Variants in CNTN6 observed in about 807,000 individuals in gnomAD.
CNTN6 encodes contactin 6.
Under a neutral mutation model 122.8 loss-of-function variants are expected in CNTN6, and 137 were observed. That is an observed-to-expected ratio of 1.12 (90% CI 0.97 to 1.29). The LOEUF (loss-of-function observed/expected upper bound fraction) is 1.29. Ranked by LOEUF, CNTN6 falls within the 50% of genes most tolerant of loss-of-function variation. The pLI, the probability that CNTN6 is intolerant of heterozygous loss-of-function variation, is 0.00. For missense variants in CNTN6, 1,634 were observed against 1,223.4 expected (o/e 1.34, Z -5.01); for synonymous variants, 570 against 426.0 (o/e 1.34, Z -4.16).
intron 12 of CNTN6, among the ~76,000 whole-genome samples, chr3:1,367,341 C>G (rs1250904594): frequency 1.3e-5 from 2 of 151,928 alleles, no homozygotes; most frequent in Non-Finnish European, 2.9e-5. Context: ...AACCACCATG[C>G]TACTCTTTAC....
In CNTN6 at chr3:1,256,900, G is replaced by T. The variant is rs556444408; in HGVS notation, c.359-21513G>T. 2.0e-5 allele frequency among the ~76,000 whole-genome samples: 3 copies of T among 152,132 alleles called. No homozygotes were observed. In the South Asian group the frequency reaches 6.2e-4, roughly 32 times the overall value. The stretch of plus-strand genomic sequence containing the variant: ...ATTATATCCGAACAGTAGATACTGG[G>T]AAGTTGAATTGCTGGGAAAAGTAGG... On this transcript the variant is annotated intron_variant, in intron 4 of 22. Transcript: ENST00000446702.
At position 1,369,846 on chromosome 3, in the gene CNTN6, CT is replaced by C. The variant is rs570471554; in HGVS notation, c.1493-2441del. Among the ~76,000 whole-genome samples the C allele has an allele frequency of 5.6e-3, 785 of 140,792 alleles. 12 individuals carry two copies. Among genetic ancestry groups the C allele is most frequent in the Admixed American group, 0.024 (342 of 14,074 alleles). 92.4% of individuals were successfully genotyped at this position (140,792 alleles called of 152,430 possible). A position where few individuals can be genotyped will look rare whatever the true frequency, so the allele number is the denominator to read the frequency against. ...AAAATTTTCTTGGATCCCTGGATAT[CT>C]TTTTTTTTTTTAAGGTTCAATCACA... On this transcript the variant is annotated intron_variant, in intron 12 of 22. Coordinates refer to ENST00000446702, the MANE Select transcript of CNTN6 (RefSeq NM_001289080.2).
chr3:1,330,356 A>G lies in CNTN6; in HGVS notation c.1364+421A>G, dbSNP rs546458185. Reference sequence around the variant, plus strand: ...GTTCACCCCATGACAAAATGAATTCACCACATGAAGAAATGTAGAGAGGTT... The same window carrying G: ...GTTCACCCCATGACAAAATGAATTCGCCACATGAAGAAATGTAGAGAGGTT... On this transcript the variant is annotated intron_variant, in intron 11 of 22. Coordinates refer to ENST00000446702, the MANE Select transcript of CNTN6 (RefSeq NM_001289080.2). Among the ~76,000 whole-genome samples, 8 of 151,974 alleles carry G rather than the reference A, an allele frequency of 5.3e-5. No individual in the cohort carries two copies. The South Asian group carries it at 1.7e-3, about 32-fold the overall frequency.
Position 1,372,258 on chromosome 3 carries a change from G to A in CNTN6, c.1493-41G>A, listed in dbSNP as rs373321211. The A allele has an allele frequency of 3.9e-4, 582 of 1,482,184 alleles. 6 individuals are homozygous for A. In the South Asian group the frequency reaches 6.7e-3, roughly 17 times the overall value. The allele number at this position is 1,482,184 out of a possible 1,614,324, so 91.8% of individuals were successfully genotyped here. A position where few individuals can be genotyped will look rare whatever the true frequency, so the allele number is the denominator to read the frequency against. On this transcript the variant is annotated intron_variant, in intron 12 of 22. Coordinates refer to ENST00000446702, the MANE Select transcript of CNTN6 (RefSeq NM_001289080.2). ...ATATGTATTTTATAACCATAGGCTA[G>A]CATTTCATAAGCTTTAAAAAATAAT...
At chr3:1,242,972 A>G (rs1201045059) in intron 4 of CNTN6, among the ~76,000 whole-genome samples, 3 of 152,146 alleles carry the variant, frequency 2.0e-5, no homozygotes, top group Admixed American at 1.3e-4. Flanking sequence ...CGTATTGATT[A>G]AGAAGGGGAC....
At chr3:1,319,833 G>T (rs442347) in intron 7 of CNTN6, among the ~76,000 whole-genome samples, 3 of 136,022 alleles carry the variant, frequency 2.2e-5, no homozygotes, top group East Asian at 2.2e-4. Flanking sequence ...ACAGAGAGCA[G>T]AAAATAAAAT....
At chr3:1,251,019 T>A (rs1369832185) in intron 4 of CNTN6, among the ~76,000 whole-genome samples, 2 of 152,134 alleles carry the variant, frequency 1.3e-5, no homozygotes, top group Admixed American at 6.6e-5. Flanking sequence ...CATATTCTCA[T>A]CCCCTAAACT....
At chr3:1,179,194 T>G (rs2093509518) in intron 2 of CNTN6, among the ~76,000 whole-genome samples, 1 of 152,044 alleles carries the variant, frequency 6.6e-6, no homozygotes, top group African/African-American at 2.4e-5. Flanking sequence ...GAGAACTTAC[T>G]CATTACCACA....
intron 7 of CNTN6, among the ~76,000 whole-genome samples, chr3:1,313,647 T>A (rs963795000): frequency 4.6e-5 from 7 of 152,062 alleles, no homozygotes; most frequent in Admixed American, 4.6e-4. Flanking sequence ...ACAAACCATT[T>A]GTGGCTTTTC....
chr3:1,284,544 A>T (rs1368364971), intron 5 of CNTN6, among the ~76,000 whole-genome samples: 1 of 152,176 alleles, frequency 6.6e-6, no homozygotes, highest in Non-Finnish European at 1.5e-5. Flanking sequence ...TCACTCAACA[A>T]ATATTTATTA....
intron 12 of CNTN6, among the ~76,000 whole-genome samples, chr3:1,353,298 C>T (rs956811198): frequency 2.0e-5 from 3 of 151,636 alleles, no homozygotes; most frequent in Non-Finnish European, 3.0e-5. Flanking sequence ...CTCATCTTTT[C>T]CATTAAAATA....
At chr3:1,336,097 T>C (rs901489338) in intron 11 of CNTN6, among the ~76,000 whole-genome samples, 7 of 148,598 alleles carry the variant, frequency 4.7e-5, no homozygotes, top group African/African-American at 1.5e-4. Flanking sequence ...GAATCTTTGG[T>C]AATTGACAGC....
intron 1 of CNTN6, among the ~76,000 whole-genome samples, chr3:1,136,956 G>A (rs547739779): frequency 1.3e-5 from 2 of 152,196 alleles, no homozygotes; most frequent in Non-Finnish European, 2.9e-5. Flanking sequence ...GGCAGTGCAT[G>A]TAACTCCTGG....
At chr3:1,099,380 G>A (rs1452801078) in intron 1 of CNTN6, among the ~76,000 whole-genome samples, 19 of 152,092 alleles carry the variant, frequency 1.2e-4, no homozygotes, top group African/African-American at 4.3e-4. Flanking sequence ...GAACCCGGGG[G>A]GCGGAGCTTG....
At chr3:1,098,756 GCACACACACACACA>G (rs57847953) in intron 1 of CNTN6, among the ~76,000 whole-genome samples, 5 of 89,106 alleles carry the variant, frequency 5.6e-5, no homozygotes, top group South Asian at 4.2e-4. Flanking sequence ...TGGCAGTAAT[GCACACACACACACA>G]CACACACACA....
At chr3:1,170,068 C>T (rs936329275) in intron 2 of CNTN6, among the ~76,000 whole-genome samples, 2 of 151,948 alleles carry the variant, frequency 1.3e-5, no homozygotes, top group East Asian at 3.9e-4. Context: ...AGCCCTGTCT[C>T]TACCAAAAAT....
In CNTN6 at chr3:1,329,850, A is replaced by G. The variant is rs1702045049; in HGVS notation, c.1279A>G (p.Ile427Val). The change falls in exon 11 of 23, where the codon ATT becomes GTT. Residue 427 changes from isoleucine to valine, a missense_variant. Ile to Val is a conservative substitution (Grantham distance 29). Transcript: ENST00000446702. ...GTCTTTTGTTCAAGTTGGTGGGGATATTGTTATCGGATGCAAACCAAATGC... is the reference window on the plus strand; with the variant it reads ...GTCTTTTGTTCAAGTTGGTGGGGATGTTGTTATCGGATGCAAACCAAATGC... ...KKSFVQVGGD[I>V]VIGCKPNAFP... The G allele has an allele frequency of 1.2e-6, 2 of 1,611,172 alleles. No individual in the cohort carries two copies. The highest frequency in any genetic ancestry group is 1.7e-5 in the Admixed American group (1 of 59,786).
In CNTN6 at chr3:1,139,884, C is replaced by T. The variant is rs146825172; in HGVS notation, c.-82-8043C>T. ...TTGAAACATGGCTGCTGGGATTGGC[C>T]AAGACTCAGCTATTGTTTCAGGCAC... On this transcript the variant is annotated intron_variant, in intron 1 of 22. Coordinates refer to ENST00000446702, the MANE Select transcript of CNTN6 (RefSeq NM_001289080.2). Among the ~76,000 whole-genome samples the T allele has an allele frequency of 1.6e-3, 242 of 152,202 alleles. 1 individual carries two copies. The highest frequency in any genetic ancestry group is 5.7e-3 in the African/African-American group (235 of 41,534).
intron 2 of CNTN6, among the ~76,000 whole-genome samples, chr3:1,172,720 A>G (rs1375664773): frequency 2.0e-5 from 3 of 152,010 alleles, no homozygotes; most frequent in Non-Finnish European, 4.4e-5. Flanking sequence ...GGAATGAACT[A>G]TGTCCCAGTG....
Sources: gnomAD v4.1 joint callset for allele counts (sites outside exome capture counted in the v4.1 genomes callset) on GRCh38, gnomAD v4.1.1 for gene constraint, MANE v1.5 for transcripts, NCBI Gene and HGNC (gene_info 2026-07-23, HGNC 2026-07-21) for gene names.